Variants in AAMDC observed in about 807,000 individuals in gnomAD.
AAMDC encodes the protein mth938 domain-containing protein.
Under a neutral mutation model 15.5 loss-of-function variants are expected in AAMDC, and 16 were observed. The ratio of observed to expected loss-of-function variants is 1.03; its 90% confidence interval spans 0.70 to 1.57. The LOEUF (loss-of-function observed/expected upper bound fraction) is 1.57. Among genes scored for constraint, AAMDC ranks in the 40% most tolerant of loss-of-function variants. The pLI, the probability that AAMDC is intolerant of heterozygous loss-of-function variation, is 0.00. For synonymous variants in AAMDC, 51 were observed against 51.6 expected, an observed-to-expected ratio of 0.99 and a Z score of 0.05; for missense variants, 141 against 144.9, an observed-to-expected ratio of 0.97 and a Z score of 0.14.
intron 2 of AAMDC, among the ~76,000 whole-genome samples, chr11:77,848,794 A>G (rs1402736449): frequency 6.6e-6 from 1 of 151,344 alleles, no homozygotes; most frequent in Non-Finnish European, 1.5e-5. Context: ...TCTACTACAT[A>G]TTGTTATCCT....
At chr11:77,904,675 T>A (rs1952887410), downstream of AAMDC, among the ~76,000 whole-genome samples, 1 of 152,186 alleles carries the variant, frequency 6.6e-6, no homozygotes, top group African/African-American at 2.4e-5. Flanking sequence ...TTCTAATCAT[T>A]TCTTGTATGC....
At chr11:77,876,848 C>T, downstream of AAMDC, 1 of 620,250 alleles carries the variant, frequency 1.6e-6, no homozygotes, top group Non-Finnish European at 2.9e-6. Flanking sequence ...AAAAGGGGTA[C>T]TTATCTGAAA....
At chr11:77,882,036 T>G (rs1411440100) in intron 5 of AAMDC, among the ~76,000 whole-genome samples, 1 of 151,982 alleles carries the variant, frequency 6.6e-6, no homozygotes, top group East Asian at 1.9e-4. Flanking sequence ...CTCAGCCTCC[T>G]GAGTAGCTGG....
downstream of AAMDC, among the ~76,000 whole-genome samples, chr11:77,905,620 T>G (rs915238246): frequency 3.3e-5 from 5 of 152,208 alleles, no homozygotes; most frequent in African/African-American, 1.2e-4. Flanking sequence ...AAATGAGATA[T>G]CCTTTTCGTA....
intron 2 of AAMDC, among the ~76,000 whole-genome samples, chr11:77,849,445 A>G (rs1950281907): frequency 6.6e-6 from 1 of 152,152 alleles, no homozygotes; most frequent in Non-Finnish European, 1.5e-5. Flanking sequence ...GCTTGTCTCA[A>G]ACTCCTGACC....
intron 2 of AAMDC, among the ~76,000 whole-genome samples, chr11:77,865,790 C>T (rs1316168872): frequency 6.6e-6 from 1 of 152,182 alleles, no homozygotes; most frequent in African/African-American, 2.4e-5. Context: ...GATAATTCCA[C>T]TTGTATGAAA....
chr11:77,862,160 A>G (rs1404807437), intron 2 of AAMDC, among the ~76,000 whole-genome samples: 3 of 152,126 alleles, frequency 2.0e-5, no homozygotes, highest in Non-Finnish European at 2.9e-5. Context: ...TCTGTGTCCC[A>G]GTGAGGGTCT....
chr11:77,882,087 T>A (rs924785528), intron 5 of AAMDC, among the ~76,000 whole-genome samples: 1 of 152,098 alleles, frequency 6.6e-6, no homozygotes, highest in Non-Finnish European at 1.5e-5. Flanking sequence ...AACTTTTTTA[T>A]ATATCTATTG....
At chr11:77,888,013 C>G (rs9667082) in intron 5 of AAMDC, among the ~76,000 whole-genome samples, 7 of 152,064 alleles carry the variant, frequency 4.6e-5, no homozygotes, top group Non-Finnish European at 7.4e-5. Context: ...GTAATTTATA[C>G]ATTCAATGCC....
chr11:77,873,455 G>T (rs182514774), downstream of AAMDC, among the ~76,000 whole-genome samples: 2 of 152,186 alleles, frequency 1.3e-5, no homozygotes, highest in Non-Finnish European at 2.9e-5. Context: ...AAGAGCCATA[G>T]AATGTTGGAG....
intron 1 of AAMDC, among the ~76,000 whole-genome samples, chr11:77,840,372 T>C (rs536910871): frequency 2.0e-5 from 3 of 151,804 alleles, no homozygotes; most frequent in African/African-American, 7.2e-5. Context: ...CCACCAAAAA[T>C]ACAAAAATTA....
chr11:77,878,145 G>A (rs1206897337), intron 5 of AAMDC, among the ~76,000 whole-genome samples: 2 of 152,078 alleles, frequency 1.3e-5, no homozygotes, highest in South Asian at 2.1e-4. Flanking sequence ...GGCAGATCAC[G>A]AGGTCAGGAG....
chr11:77,882,941 G>A (rs949772621), intron 5 of AAMDC, among the ~76,000 whole-genome samples: 8 of 151,950 alleles, frequency 5.3e-5, no homozygotes, highest in African/African-American at 1.5e-4. Context: ...GTGTAGTGAC[G>A]TGCACCTGTA....
At chr11:77,868,766 TG>T in intron 2 of AAMDC, 1 of 234,712 alleles carries the variant, frequency 4.3e-6, no homozygotes, top group Non-Finnish European at 9.4e-6. Flanking sequence ...TCCTTCCCAC[TG>T]GTTCTTACAC....
intron 2 of AAMDC, among the ~76,000 whole-genome samples, chr11:77,863,788 G>T (rs1950988587): frequency 6.6e-6 from 1 of 151,712 alleles, no homozygotes; most frequent in African/African-American, 2.4e-5. Context: ...GCACTGAGAT[G>T]ACAGGTGTGA....
chr11:77,838,141 A>G (rs1949768880), intron 1 of AAMDC, among the ~76,000 whole-genome samples: 1 of 152,192 alleles, frequency 6.6e-6, no homozygotes, highest in African/African-American at 2.4e-5. Context: ...CAGAAGTAAG[A>G]CTTTCTAATC....
intron 2 of AAMDC, among the ~76,000 whole-genome samples, chr11:77,857,120 A>G (rs1280640550): frequency 5.9e-5 from 9 of 152,250 alleles, no homozygotes; most frequent in African/African-American, 2.2e-4. Flanking sequence ...TGTCTTTAAG[A>G]TAAATCACCT....
At chr11:77,891,107 T>C (rs1952243338) in intron 5 of AAMDC, among the ~76,000 whole-genome samples, 1 of 152,142 alleles carries the variant, frequency 6.6e-6, no homozygotes, top group South Asian at 2.1e-4. Context: ...TATTTGTCAG[T>C]TGTAGAATCT....
intron 5 of AAMDC, among the ~76,000 whole-genome samples, chr11:77,886,026 C>T (rs1464028250): frequency 1.3e-5 from 2 of 151,466 alleles, no homozygotes; most frequent in Non-Finnish European, 2.9e-5. Flanking sequence ...AAAAGTAAGA[C>T]CCCCCAATCT....
Sources: allele counts gnomAD v4.1 joint callset (sites outside exome capture counted in the v4.1 genomes callset), GRCh38; gene constraint gnomAD v4.1.1; transcripts MANE v1.5; gene names NCBI Gene and HGNC (gene_info 2026-07-23, HGNC 2026-07-21).